The following UBASH3A variants were observed in gnomAD, a reference collection of about 807,000 sequenced individuals.
UBASH3A encodes the protein ubiquitin-associated and SH3 domain-containing protein A.
A neutral mutation model predicts 73.5 loss-of-function variants in UBASH3A; 63 were observed. That is an observed-to-expected ratio of 0.86 (90% CI 0.70 to 1.06). The LOEUF (loss-of-function observed/expected upper bound fraction) is 1.06. UBASH3A is among the 50% of genes least tolerant of loss of function. The pLI is 0.00. For synonymous variants in UBASH3A, 363 were observed against 351.1 expected, an observed-to-expected ratio of 1.03 and a Z score of -0.38; for missense variants, 860 against 859.0, an observed-to-expected ratio of 1.00 and a Z score of -0.02.
At position 42,416,578 on chromosome 21, in the gene UBASH3A, C is replaced by G. The variant is rs201107482; in HGVS notation, c.804C>G (p.Leu268=). Residue 268 remains leucine (L), a synonymous_variant, in exon 6 of 15, where the codon CTC becomes CTG. Transcript: ENST00000319294. ...ACAGCTGCCAGTGGACCGCAGCACT[C>G]TACTCCCGAGACATGCGCTTTGTGC... ...LGHSCQWTAA[L]YSRDMRFVHY... 19 of 1,605,964 alleles carry G rather than the reference C, an allele frequency of 1.2e-5. No homozygotes were observed. The highest frequency in any genetic ancestry group is 1.6e-5 in the Non-Finnish European group (19 of 1,176,554).
intron 12 of UBASH3A, 23 bp from the exon 13 acceptor site, chr21:42,443,289 G>A (rs2053781692): frequency 6.2e-7 from 1 of 1,605,360 alleles, no homozygotes; most frequent in African/African-American, 1.3e-5. Context: ...CAGGGCAGCA[G>A]CCTCTCCTTC....
chr21:42,427,130 C>T (rs1027078040), intron 8 of UBASH3A, among the ~76,000 whole-genome samples: 6 of 152,180 alleles, frequency 3.9e-5, no homozygotes, highest in African/African-American at 1.2e-4. Flanking sequence ...GTCCCCAAGA[C>T]GTCACCTGCC....
intron 2 of UBASH3A, among the ~76,000 whole-genome samples, chr21:42,408,779 A>G (rs2053027848): frequency 6.6e-6 from 1 of 151,938 alleles, no homozygotes; most frequent in Non-Finnish European, 1.5e-5. Flanking sequence ...GCCAGTCAGG[A>G]GGCTGAGGCA....
At chr21:42,429,067 C>T (rs2053487187) in intron 8 of UBASH3A, among the ~76,000 whole-genome samples, 1 of 152,164 alleles carries the variant, frequency 6.6e-6, no homozygotes, top group African/African-American at 2.4e-5. Context: ...GAGAGAAAAG[C>T]AGAGGGGATC....
chr21:42,433,008 C>G (rs907704256), intron 9 of UBASH3A, among the ~76,000 whole-genome samples: 1 of 152,154 alleles, frequency 6.6e-6, no homozygotes, highest in African/African-American at 2.4e-5. Flanking sequence ...TATTGAATTA[C>G]TGAAGCTATA....
rs544719781 is a variant in UBASH3A at position 42,447,266 on chromosome 21, C to T, written c.*72C>T. 1 of 1,519,494 alleles carries T rather than the reference C, an allele frequency of 6.6e-7. No homozygotes were observed. The allele number at this position is 1,519,494 out of a possible 1,614,324, so 94.1% of individuals were successfully genotyped here. A position where few individuals can be genotyped will look rare whatever the true frequency, so the allele number is the denominator to read the frequency against. ...CATGTGCAGAGGCTGGGAGATGCTGCTGTTTCCAGAGGCGTCTTAGTCTCA... is the reference window on the plus strand; with the variant it reads ...CATGTGCAGAGGCTGGGAGATGCTGTTGTTTCCAGAGGCGTCTTAGTCTCA... On this transcript the variant is annotated 3_prime_UTR_variant, in exon 15 of 15. Transcript: ENST00000319294.
intron 9 of UBASH3A, among the ~76,000 whole-genome samples, chr21:42,433,497 C>T (rs2053573136): frequency 6.6e-6 from 1 of 152,206 alleles, no homozygotes; most frequent in South Asian, 2.1e-4. Flanking sequence ...CATCCTTGTC[C>T]TCTCCTGAGC....
intron 11 of UBASH3A, among the ~76,000 whole-genome samples, chr21:42,439,678 C>CA (rs2053694423): frequency 6.8e-6 from 1 of 147,892 alleles, no homozygotes; most frequent in African/African-American, 2.5e-5. Flanking sequence ...ACACACCACA[C>CA]GCCACACACA....
chr21:42,416,809 T>C (rs2053221696), intron 6 of UBASH3A, among the ~76,000 whole-genome samples, 198 bp downstream of exon 6: 1 of 152,176 alleles, frequency 6.6e-6, no homozygotes, highest in Non-Finnish European at 1.5e-5. Flanking sequence ...GGCGGGCACC[T>C]GTAGTCCCAG....
intron 5 of UBASH3A, among the ~76,000 whole-genome samples, 193 bp from the exon 6 acceptor site, chr21:42,416,249 A>G (rs545301209): frequency 6.6e-6 from 1 of 152,026 alleles, no homozygotes; most frequent in African/African-American, 2.4e-5. Context: ...ACATCTCCAT[A>G]TCGTCCTCTT....
intron 1 of UBASH3A, among the ~76,000 whole-genome samples, chr21:42,405,145 C>G (rs530867144): frequency 6.6e-6 from 1 of 152,258 alleles, no homozygotes; most frequent in African/African-American, 2.4e-5. Context: ...TAGACAAACC[C>G]ATTTCTTCTC....
chr21:42,443,016 T>A (rs1030363070), intron 12 of UBASH3A: 32 of 814,480 alleles, frequency 3.9e-5, no homozygotes, highest in Non-Finnish European at 5.1e-5. Context: ...GAGAAGAAGG[T>A]TCAGAGGAGC....
chr21:42,406,485 G>A, intron 2 of UBASH3A, 124 bp downstream of exon 2: 1 of 767,016 alleles, frequency 1.3e-6, no homozygotes, highest in South Asian at 1.5e-5. Context: ...TGGGGCCACT[G>A]CGGAAGTGAA....
intron 11 of UBASH3A, among the ~76,000 whole-genome samples, chr21:42,441,079 G>A (rs2146604507): frequency 6.6e-6 from 1 of 152,286 alleles, no homozygotes; most frequent in East Asian, 1.9e-4. Flanking sequence ...GATGATGATG[G>A]TGATGATGCC....
chr21:42,412,499 C>G (rs1439582427), intron 3 of UBASH3A, among the ~76,000 whole-genome samples: 1 of 152,186 alleles, frequency 6.6e-6, no homozygotes, highest in Non-Finnish European at 1.5e-5. Flanking sequence ...GGGTTGGAGG[C>G]AGGCAGAGCC....
At chr21:42,430,540 C>G (rs910834339) in intron 8 of UBASH3A, among the ~76,000 whole-genome samples, 1 of 152,162 alleles carries the variant, frequency 6.6e-6, no homozygotes, top group African/African-American at 2.4e-5. Context: ...AGGGATAGTG[C>G]CTGTCTGAGC....
At chr21:42,429,904 A>G (rs1424611689) in intron 8 of UBASH3A, among the ~76,000 whole-genome samples, 2 of 151,956 alleles carry the variant, frequency 1.3e-5, no homozygotes, top group African/African-American at 2.4e-5. Flanking sequence ...GTGACTGCAA[A>G]CGTTCTCACT....
intron 5 of UBASH3A, among the ~76,000 whole-genome samples, chr21:42,415,649 T>C (rs1450349235): frequency 6.6e-6 from 1 of 152,208 alleles, no homozygotes; most frequent in Non-Finnish European, 1.5e-5. Flanking sequence ...CACTGCAGCC[T>C]TGGCGAGCAG....
intron 1 of UBASH3A, chr21:42,404,318 G>T (rs2052924898): frequency 6.1e-6 from 2 of 327,922 alleles, no homozygotes; most frequent in Non-Finnish European, 5.5e-6. Flanking sequence ...GCCTCCTAAG[G>T]CTGCCCTGTT....
Sources: gnomAD v4.1 joint callset for allele counts (sites outside exome capture counted in the v4.1 genomes callset) on GRCh38, gnomAD v4.1.1 for gene constraint, MANE v1.5 for transcripts, NCBI Gene and HGNC (gene_info 2026-07-23, HGNC 2026-07-21) for gene names.